AKR1E2: variants seen among roughly 807,000 people sequenced by gnomAD.
AKR1E2 encodes 1,5-anhydro-D-fructose reductase.
AKR1E2 carries 43 observed loss-of-function variants against 41.9 expected under a neutral mutation model. That is an observed-to-expected ratio of 1.03 (90% CI 0.80 to 1.32). The LOEUF is 1.32. Ranked by LOEUF, AKR1E2 falls within the 40% of genes most tolerant of loss-of-function variation. The probability of loss-of-function intolerance (pLI) is 0.00; values close to 1 mark genes in which losing one functional copy is unlikely to be tolerated. For missense variants in AKR1E2, 423 were observed against 396.5 expected, an observed-to-expected ratio of 1.07 and a Z score of -0.57; for synonymous variants, 121 against 138.9, an observed-to-expected ratio of 0.87 and a Z score of 0.91.
chr10:4,854,587 G>T, the AKR1E2 span, among the ~76,000 whole-genome samples: 2 of 152,096 alleles, frequency 1.3e-5, no homozygotes, highest in African/African-American at 4.8e-5. Flanking sequence ...TTGGGTAAGT[G>T]GTGGGTGGGG....
chr10:4,829,326 A>T (rs1034329362), intron 1 of AKR1E2, among the ~76,000 whole-genome samples: 4 of 152,188 alleles, frequency 2.6e-5, no homozygotes, highest in Admixed American at 6.5e-5. Context: ...GATATCTGAG[A>T]TACACTCAAC....
chr10:4,847,386 T>C, intron 9 of AKR1E2, 102 bp from the exon 10 acceptor site: 1 of 1,531,516 alleles, frequency 6.5e-7, no homozygotes, highest in Non-Finnish European at 8.9e-7. Context: ...TGAAGCTAAT[T>C]TCATGCACTG....
the AKR1E2 span, among the ~76,000 whole-genome samples, chr10:4,868,533 A>G: frequency 4.9e-4 from 74 of 152,234 alleles, no homozygotes; most frequent in African/African-American, 1.7e-3. Context: ...CTTTCTTGTG[A>G]TATGTATGCC....
At chr10:4,831,445 G>A (rs1328593892) in intron 2 of AKR1E2, among the ~76,000 whole-genome samples, 1 of 152,170 alleles carries the variant, frequency 6.6e-6, no homozygotes. Context: ...ATGGCAAAAG[G>A]CGAAGGAGGA....
chr10:4,837,324 T>C (rs1588457014), intron 4 of AKR1E2, 135 bp from the exon 5 acceptor site: 2 of 1,305,468 alleles, frequency 1.5e-6, no homozygotes, highest in East Asian at 2.4e-5. Flanking sequence ...AGAAATGCTT[T>C]TGAAGCTTCA....
chr10:4,830,664 T>C lies in AKR1E2; in HGVS notation c.40-11T>C. Reference sequence around the variant, plus strand: ...ACTGTGAGAAGACACTTTGTTTTGTTGGTTTTGCAGGCTTCTCCAGGGAAA... The same window carrying C: ...ACTGTGAGAAGACACTTTGTTTTGTCGGTTTTGCAGGCTTCTCCAGGGAAA... On this transcript the variant is annotated splice_polypyrimidine_tract_variant and intron_variant, in intron 1 of 9. Coordinates refer to ENST00000298375, the MANE Select transcript of AKR1E2 (RefSeq NM_001040177.3). 1 of 1,613,282 alleles carries C rather than the reference T, an allele frequency of 6.2e-7. No individual in the cohort carries two copies. The highest frequency in any genetic ancestry group is 8.5e-7 in the Non-Finnish European group (1 of 1,179,306).
intron 8 of AKR1E2, chr10:4,845,879 G>A: frequency 4.3e-6 from 2 of 469,962 alleles, no homozygotes; most frequent in Non-Finnish European, 8.8e-6. Flanking sequence ...GATGGCTGAG[G>A]ACAGACAGCA....
chr10:4,852,819 A>G (rs918342128), downstream of AKR1E2, among the ~76,000 whole-genome samples: 3 of 152,154 alleles, frequency 2.0e-5, no homozygotes, highest in Admixed American at 1.3e-4. Context: ...TTTAGAGGCT[A>G]GAAGTCTAGG....
the AKR1E2 span, among the ~76,000 whole-genome samples, chr10:4,862,039 T>A: frequency 6.6e-6 from 1 of 152,242 alleles, no homozygotes; most frequent in Non-Finnish European, 1.5e-5. Flanking sequence ...GCCTAGGTTT[T>A]CTTCTAGGGT....
chr10:4,831,214 A>G (rs1021025487), intron 2 of AKR1E2, among the ~76,000 whole-genome samples: 9 of 152,084 alleles, frequency 5.9e-5, no homozygotes, highest in African/African-American at 2.2e-4. Flanking sequence ...TCCAAATTCT[A>G]CCCCACATCT....
At chr10:4,835,035 A>C (rs552506039) in intron 3 of AKR1E2, among the ~76,000 whole-genome samples, 1 of 152,350 alleles carries the variant, frequency 6.6e-6, no homozygotes, top group Non-Finnish European at 1.5e-5. Flanking sequence ...GGAACATGTG[A>C]CATTCTTCCA....
At chr10:4,848,870 C>T (rs1834471678), downstream of AKR1E2, among the ~76,000 whole-genome samples, 1 of 152,224 alleles carries the variant, frequency 6.6e-6, no homozygotes. Context: ...CTTGTCCACT[C>T]AGTGGAGGAA....
chr10:4,826,276 C>A lies in AKR1E2; in HGVS notation c.-49C>A. ...CCGCAGTAGCTCGCGCGGTGCCTGT[C>A]GGTAGTCGCGTGCGGGGCGGCGGGG... On this transcript the variant is annotated 5_prime_UTR_variant, in exon 1 of 10. Transcript: ENST00000298375. The A allele has an allele frequency of 1.6e-6, 2 of 1,223,926 alleles. No individual in the cohort carries two copies. The highest frequency in any genetic ancestry group is 2.7e-4 in the Middle Eastern group (1 of 3,704). The allele number at this position is 1,223,926 out of a possible 1,614,324, so 75.8% of individuals were successfully genotyped here.
intron 1 of AKR1E2, 73 bp from the exon 2 acceptor site, chr10:4,830,602 C>T (rs992446173): frequency 1.3e-6 from 2 of 1,560,688 alleles, no homozygotes; most frequent in Non-Finnish European, 1.8e-6. Flanking sequence ...TGTCCACATG[C>T]TTGGGTGAAA....
downstream of AKR1E2, among the ~76,000 whole-genome samples, chr10:4,851,552 A>G (rs915854108): frequency 5.3e-5 from 8 of 152,336 alleles, no homozygotes; most frequent in Middle Eastern, 3.4e-3. Flanking sequence ...GCCACTTAGA[A>G]TTATATCCAT....
At chr10:4,862,272 T>C in the AKR1E2 span, among the ~76,000 whole-genome samples, 1 of 152,198 alleles carries the variant, frequency 6.6e-6, no homozygotes, top group African/African-American at 2.4e-5. Flanking sequence ...AGGGCTCTGT[T>C]CTGTTCCATT....
the AKR1E2 span, among the ~76,000 whole-genome samples, chr10:4,863,645 C>A: frequency 2.4e-5 from 3 of 126,964 alleles, no homozygotes; most frequent in East Asian, 2.1e-4. Flanking sequence ...TCACAAAAAA[C>A]CCTTCAAAAA....
chr10:4,842,434 T>G lies in AKR1E2; in HGVS notation c.767T>G (p.Phe256Cys), dbSNP rs1369615363. ...GTTTCCTTGCAGATTTTGATCCGAT[T>G]TCAAATCCAGAGGAATGTGATAGTG... ...GKSPAQILIR[F>C]QIQRNVIVIP... The change falls in exon 8 of 10, where the codon TTT becomes TGT. Residue 256 changes from phenylalanine (F) to cysteine (C), a missense_variant. Phe to Cys is a radical substitution (Grantham distance 205). Coordinates refer to ENST00000298375, the MANE Select transcript of AKR1E2 (RefSeq NM_001040177.3). The G allele has an allele frequency of 6.2e-7, 1 of 1,614,134 alleles. No homozygotes were observed. The highest frequency in any genetic ancestry group is 1.3e-5 in the African/African-American group (1 of 75,074).
At chr10:4,860,181 T>G in the AKR1E2 span, among the ~76,000 whole-genome samples, 1 of 152,218 alleles carries the variant, frequency 6.6e-6, no homozygotes, top group East Asian at 1.9e-4. Flanking sequence ...ACTTAAACTT[T>G]AACTGACAGG....
Sources: gnomAD v4.1 joint callset for allele counts (sites outside exome capture counted in the v4.1 genomes callset) on GRCh38, gnomAD v4.1.1 for gene constraint, MANE v1.5 for transcripts, NCBI Gene and HGNC (gene_info 2026-07-23, HGNC 2026-07-21) for gene names.